HS6ST3: variants seen among roughly 807,000 people sequenced by gnomAD.
HS6ST3 encodes heparan sulfate 6-O-sulfotransferase 3.
HS6ST3 carries 12 observed loss-of-function variants against 36.7 expected under a neutral mutation model. The observed-to-expected ratio is 0.33, with a 90% CI of 0.21 to 0.53. The LOEUF (loss-of-function observed/expected upper bound fraction) is 0.53. HS6ST3 is among the 20% of genes least tolerant of loss of function. The pLI, the probability that HS6ST3 is intolerant of heterozygous loss-of-function variation, is 0.95. For missense variants in HS6ST3, 584 were observed against 640.9 expected (o/e 0.91, Z 0.96); for synonymous variants, 240 against 257.5 (o/e 0.93, Z 0.65).
At chr13:96,419,229 T>A (rs1379993509) in intron 1 of HS6ST3, among the ~76,000 whole-genome samples, 3 of 152,202 alleles carry the variant, frequency 2.0e-5, no homozygotes, top group African/African-American at 7.2e-5. Context: ...CAAATGTAAA[T>A]CACTAATTAT....
chr13:96,301,800 C>T (rs936493562), intron 1 of HS6ST3, among the ~76,000 whole-genome samples: 2 of 151,292 alleles, frequency 1.3e-5, no homozygotes, highest in Middle Eastern at 3.4e-3. Flanking sequence ...ATCCCAGCTA[C>T]TCGGCAGGGA....
At chr13:96,289,100 C>T (rs1357060766) in intron 1 of HS6ST3, among the ~76,000 whole-genome samples, 2 of 151,552 alleles carry the variant, frequency 1.3e-5, no homozygotes. Context: ...ACAAGAAAGC[C>T]ACAGAATTTA....
chr13:96,757,836 A>C (rs1257516130), intron 1 of HS6ST3, among the ~76,000 whole-genome samples: 4 of 152,038 alleles, frequency 2.6e-5, no homozygotes, highest in Non-Finnish European at 4.4e-5. Flanking sequence ...TTCATGATGC[A>C]TTATCTTTTT....
chr13:96,645,584 G>A (rs1201496647), intron 1 of HS6ST3, among the ~76,000 whole-genome samples: 2 of 151,508 alleles, frequency 1.3e-5, no homozygotes, highest in Non-Finnish European at 2.9e-5. Flanking sequence ...CTTATTATAA[G>A]CACTTTGGCT....
intron 1 of HS6ST3, among the ~76,000 whole-genome samples, chr13:96,508,511 G>T (rs1566381422): frequency 6.6e-6 from 1 of 151,848 alleles, no homozygotes; most frequent in East Asian, 1.9e-4. Flanking sequence ...GTAGTTTTTT[G>T]TATCCCTAAG....
intron 1 of HS6ST3, among the ~76,000 whole-genome samples, chr13:96,749,576 CCTT>C (rs1050980623): frequency 1.3e-5 from 2 of 151,976 alleles, no homozygotes; most frequent in Non-Finnish European, 2.9e-5. Context: ...GAGTATAAAA[CCTT>C]CTATTTTTTT....
chr13:96,125,153 A>T (rs2053944455), intron 1 of HS6ST3, among the ~76,000 whole-genome samples: 1 of 152,110 alleles, frequency 6.6e-6, no homozygotes, highest in South Asian at 2.1e-4. Flanking sequence ...GGTGGCGTGA[A>T]ATTAAAACCA....
At chr13:96,320,138 G>A (rs902528722) in intron 1 of HS6ST3, among the ~76,000 whole-genome samples, 12 of 152,182 alleles carry the variant, frequency 7.9e-5, no homozygotes, top group Admixed American at 7.2e-4. Context: ...GAGTTCATGT[G>A]CAGCTTCATC....
chr13:96,410,325 A>G (rs1013339837), intron 1 of HS6ST3, among the ~76,000 whole-genome samples: 11 of 152,168 alleles, frequency 7.2e-5, no homozygotes, highest in Non-Finnish European at 1.5e-4. Flanking sequence ...CAAATTATGT[A>G]ATTAAAATAG....
At chr13:96,208,188 T>C (rs1168686977) in intron 1 of HS6ST3, among the ~76,000 whole-genome samples, 1 of 152,156 alleles carries the variant, frequency 6.6e-6, no homozygotes, top group African/African-American at 2.4e-5. Flanking sequence ...AAAATTTCCC[T>C]CCAACACTCA....
At chr13:96,397,410 G>T (rs1278548932) in intron 1 of HS6ST3, among the ~76,000 whole-genome samples, 1 of 151,400 alleles carries the variant, frequency 6.6e-6, no homozygotes, top group Admixed American at 6.6e-5. Context: ...ATCCATTTTT[G>T]TCTATCTTAA....
At chr13:96,116,131 A>G (rs1381255818) in intron 1 of HS6ST3, among the ~76,000 whole-genome samples, 1 of 152,220 alleles carries the variant, frequency 6.6e-6, no homozygotes, top group Non-Finnish European at 1.5e-5. Context: ...AACAGGTGAC[A>G]GGAAGAGTCA....
At chr13:96,445,619 C>A (rs1312650766) in intron 1 of HS6ST3, among the ~76,000 whole-genome samples, 2 of 152,004 alleles carry the variant, frequency 1.3e-5, no homozygotes, top group Non-Finnish European at 2.9e-5. Flanking sequence ...GTAATCCCAG[C>A]ACTTTGGGAG....
At chr13:96,342,534 C>G (rs2055135984) in intron 1 of HS6ST3, among the ~76,000 whole-genome samples, 2 of 152,186 alleles carry the variant, frequency 1.3e-5, no homozygotes, top group Admixed American at 1.3e-4. Flanking sequence ...ATCATGTTTA[C>G]TTGCTAATGT....
chr13:96,616,717 C>G (rs2056475514), intron 1 of HS6ST3, among the ~76,000 whole-genome samples: 1 of 152,150 alleles, frequency 6.6e-6, no homozygotes, highest in African/African-American at 2.4e-5. Flanking sequence ...TTTTATATCT[C>G]TGAGGTAACT....
intron 1 of HS6ST3, among the ~76,000 whole-genome samples, chr13:96,499,593 A>G (rs1216624274): frequency 6.6e-6 from 1 of 151,960 alleles, no homozygotes; most frequent in Non-Finnish European, 1.5e-5. Context: ...CCACATGAGG[A>G]AAGCGACATG....
intron 1 of HS6ST3, among the ~76,000 whole-genome samples, chr13:96,251,014 G>A (rs2054605336): frequency 6.6e-6 from 1 of 152,040 alleles, no homozygotes; most frequent in Admixed American, 6.5e-5. Flanking sequence ...CTCGATTTCT[G>A]CTTCTGTGTT....
chr13:96,514,346 A>G (rs756994192), intron 1 of HS6ST3, among the ~76,000 whole-genome samples: 8 of 152,146 alleles, frequency 5.3e-5, no homozygotes, highest in Admixed American at 1.3e-4. Flanking sequence ...AAGGAGTTCA[A>G]TTTCAAGGTT....
In HS6ST3 at chr13:96,700,465, C is replaced by T. The variant is rs115684427; in HGVS notation, c.708-132025C>T. On this transcript the variant is annotated intron_variant, in intron 1 of 1. Transcript: ENST00000376705. ...GGGACACAGCCAAACCATATCATCT[C>T]CCTTGCTCAGGACCTGAGCATTTCT... is the stretch of plus-strand genomic sequence containing the variant. Among the ~76,000 whole-genome samples, 829 of 152,266 alleles carry T rather than the reference C, an allele frequency of 5.4e-3. 4 individuals carry two copies. The highest frequency in any genetic ancestry group is 0.019 in the African/African-American group (782 of 41,550).
Sources: gnomAD v4.1 joint callset for allele counts (sites outside exome capture counted in the v4.1 genomes callset) on GRCh38, gnomAD v4.1.1 for gene constraint, MANE v1.5 for transcripts, NCBI Gene and HGNC (gene_info 2026-07-23, HGNC 2026-07-21) for gene names.